Variants in MEGF10 observed in about 807,000 individuals in gnomAD.
The protein encoded by MEGF10 is multiple EGF like domains 10, also known as multiple epidermal growth factor-like domains protein 10.
MEGF10 carries 86 observed loss-of-function variants against 147.5 expected under a neutral mutation model. The ratio of observed to expected loss-of-function variants is 0.58; its 90% CI spans 0.49 to 0.70. MEGF10 has a LOEUF of 0.70. Ranked by LOEUF, MEGF10 falls within the 30% of genes least tolerant of loss-of-function variation. The probability of loss-of-function intolerance (pLI) is 0.00; values close to 1 mark genes in which losing one functional copy is unlikely to be tolerated. For synonymous variants in MEGF10, 478 were observed against 525.5 expected (o/e 0.91, Z 1.24); for missense variants, 1,329 against 1,487.3 (o/e 0.89, Z 1.75).
At chr5:127,301,105 G>T (rs1444975746) in intron 1 of MEGF10, among the ~76,000 whole-genome samples, 1 of 152,090 alleles carries the variant, frequency 6.6e-6, no homozygotes, top group Non-Finnish European at 1.5e-5. Context: ...TCTCTAACTG[G>T]GATGAGTTGA....
intron 18 of MEGF10, among the ~76,000 whole-genome samples, chr5:127,442,286 A>G (rs1033252180): frequency 2.0e-5 from 3 of 152,228 alleles, no homozygotes; most frequent in Non-Finnish European, 2.9e-5. Flanking sequence ...ATAATAGCAC[A>G]TTGCCCCCTG....
the MEGF10 span, among the ~76,000 whole-genome samples, chr5:127,276,937 T>C: frequency 1.3e-5 from 2 of 151,986 alleles, no homozygotes; most frequent in African/African-American, 4.8e-5. Context: ...GAAATTTGAG[T>C]AAGATGTGTA....
At chr5:127,349,835 A>G (rs897938280) in intron 4 of MEGF10, among the ~76,000 whole-genome samples, 4 of 152,098 alleles carry the variant, frequency 2.6e-5, no homozygotes, top group African/African-American at 9.7e-5. Flanking sequence ...TGTAAGACAT[A>G]TTATTTCCTA....
the MEGF10 span, among the ~76,000 whole-genome samples, chr5:127,237,907 A>G: frequency 6.6e-6 from 1 of 152,056 alleles, no homozygotes; most frequent in Non-Finnish European, 1.5e-5. Flanking sequence ...AATGCTAGTC[A>G]TCTAACTGTT....
chr5:127,258,820 G>A, the MEGF10 span, among the ~76,000 whole-genome samples: 2 of 152,128 alleles, frequency 1.3e-5, no homozygotes, highest in African/African-American at 4.8e-5. Context: ...CAGTTTACAG[G>A]TCCTTGATCT....
upstream of MEGF10, among the ~76,000 whole-genome samples, chr5:127,288,521 C>T (rs190999511): frequency 2.1e-4 from 32 of 152,162 alleles, no homozygotes; most frequent in East Asian, 1.9e-3. Flanking sequence ...AGTAAGGAAA[C>T]GCAAATTAAA....
chr5:127,295,468 C>T (rs1759452437), intron 1 of MEGF10, among the ~76,000 whole-genome samples: 1 of 152,214 alleles, frequency 6.6e-6, no homozygotes, highest in Non-Finnish European at 1.5e-5. Context: ...AAACACTTCT[C>T]ATAATTACTA....
intron 1 of MEGF10, among the ~76,000 whole-genome samples, chr5:127,314,527 G>C (rs544398474): frequency 6.6e-6 from 1 of 152,312 alleles, no homozygotes; most frequent in Admixed American, 6.5e-5. Flanking sequence ...GAAAAGACTA[G>C]AGAATTTTTA....
intron 6 of MEGF10, among the ~76,000 whole-genome samples, chr5:127,398,379 A>G (rs1764002836): frequency 6.6e-6 from 1 of 152,194 alleles, no homozygotes; most frequent in Admixed American, 6.5e-5. Flanking sequence ...TTACATGAGA[A>G]GTTCCTGTCA....
intron 1 of MEGF10, among the ~76,000 whole-genome samples, chr5:127,327,442 CTT>C (rs930884895): frequency 4.6e-5 from 7 of 152,030 alleles, no homozygotes; most frequent in Admixed American, 1.3e-4. Context: ...ACTGCATTGC[CTT>C]TGTTTTCAAT....
intron 8 of MEGF10, among the ~76,000 whole-genome samples, chr5:127,402,946 T>A (rs1764187039): frequency 5.3e-5 from 8 of 152,228 alleles, no homozygotes; most frequent in Admixed American, 5.2e-4. Flanking sequence ...GAACCCATGA[T>A]GAAAATGTCA....
At chr5:127,355,675 G>T (rs1364826688) in intron 4 of MEGF10, among the ~76,000 whole-genome samples, 1 of 152,192 alleles carries the variant, frequency 6.6e-6, no homozygotes, top group Non-Finnish European at 1.5e-5. Flanking sequence ...TCTGCTAGCA[G>T]GGAAGATAGG....
chr5:127,385,530 G>A (rs748034032), intron 5 of MEGF10, among the ~76,000 whole-genome samples: 1 of 152,142 alleles, frequency 6.6e-6, no homozygotes, highest in Non-Finnish European at 1.5e-5. Flanking sequence ...GACTTGGCCT[G>A]CCAAAGTGCT....
Position 127,435,405 on chromosome 5 carries a change from A to G in MEGF10, c.2020A>G (p.Thr674Ala). 4 of 1,614,076 alleles carry G rather than the reference A, an allele frequency of 2.5e-6. No individual in the cohort carries two copies. In the South Asian group the frequency reaches 4.4e-5, roughly 18 times the overall value. Residue 674 changes from threonine (T) to alanine (A), a missense_variant, in exon 16 of 25, where the codon ACC (threonine) becomes GCC (alanine). Thr to Ala is a moderately conservative substitution (Grantham distance 58). Transcript: ENST00000503335. ...RFGKNCAGIC[T>A]CTNNGTCNPI... ...TGGGAAAAACTGTGCAGGAATTTGT[A>G]CCTGCACCAACAACGGAACCTGTAA... is the stretch of plus-strand genomic sequence containing the variant.
At position 127,447,596 on chromosome 5, in the gene MEGF10, AC is replaced by A. The variant is rs1258798422; in HGVS notation, c.2769del (p.Tyr924ThrfsTer25). 6.2e-7 allele frequency: 1 copy of A among 1,614,112 alleles called. No individual in the cohort carries two copies. The highest frequency in any genetic ancestry group is 1.1e-5 in the South Asian group (1 of 91,084). On this transcript the variant is annotated frameshift_variant, in exon 21 of 25. Coordinates refer to ENST00000503335, the MANE Select transcript of MEGF10 (RefSeq NM_001256545.2). LOFTEE classifies it high-confidence loss of function. ...PHSNGGNANS[H>X]YFTNPSYHTL... ...AGCAATGGTGGAAACGCTAATAGCC[AC>A]TACTTCACCAATCCCAGTTACCACA... is the stretch of plus-strand genomic sequence containing the variant.
chr5:127,234,567 CATCCACCAAAATGA>C, the MEGF10 span, among the ~76,000 whole-genome samples: 4 of 152,214 alleles, frequency 2.6e-5, no homozygotes, highest in Non-Finnish European at 2.9e-5. Context: ...CTCCTCTATG[CATCCACCAAAATGA>C]ATCCACCAAA....
At chr5:127,303,681 G>A (rs1255570059) in intron 1 of MEGF10, among the ~76,000 whole-genome samples, 1 of 152,152 alleles carries the variant, frequency 6.6e-6, no homozygotes, top group Non-Finnish European at 1.5e-5. Flanking sequence ...CACATTTCAA[G>A]CATTGACTTC....
intron 19 of MEGF10, among the ~76,000 whole-genome samples, chr5:127,444,998 T>A (rs1765887846): frequency 6.6e-6 from 1 of 152,246 alleles, no homozygotes; most frequent in East Asian, 1.9e-4. Flanking sequence ...GATAAATTGT[T>A]ACCCCAAATT....
the MEGF10 span, among the ~76,000 whole-genome samples, chr5:127,239,437 A>AGT: frequency 2.1e-5 from 3 of 144,826 alleles, no homozygotes; most frequent in African/African-American, 7.6e-5. Context: ...GAATAAACAC[A>AGT]GTATATATAT....
Sources: allele counts gnomAD v4.1 joint callset (sites outside exome capture counted in the v4.1 genomes callset), GRCh38; gene constraint gnomAD v4.1.1; transcripts MANE v1.5; gene names NCBI Gene and HGNC (gene_info 2026-07-23, HGNC 2026-07-21).